Variants in HMGB1 observed in about 807,000 individuals in gnomAD.
HMGB1 encodes high mobility group box 1.
For missense variants in HMGB1, 79 were observed against 253.5 expected (o/e 0.31, Z 4.67); for synonymous variants, 81 against 84.0 (o/e 0.96, Z 0.19).
rs1002472355 is a variant in HMGB1, at chr13:30,460,483, G to A, written c.*874C>T. On this transcript the variant is annotated 3_prime_UTR_variant, in exon 5 of 5. Coordinates refer to ENST00000341423, the MANE Select transcript of HMGB1 (RefSeq NM_002128.7). ...TCAGGTCTTCTTTAATGTGGGAACT[G>A]CAAAATATAACTGCCATTACATGGT... is the stretch of plus-strand genomic sequence containing the variant. 2.6e-5 allele frequency: 4 copies of A among 151,704 alleles called. No homozygotes were observed. Among genetic ancestry groups the A allele is most frequent in the African/African-American group, 9.7e-5 (4 of 41,238 alleles). The allele number at this position is 151,704 out of a possible 1,614,324, so 9.4% of individuals were successfully genotyped here. A position where few individuals can be genotyped will look rare whatever the true frequency, so the allele number is the denominator to read the frequency against.
chr13:30,471,174 A>C (rs1047074503), intron 1 of HMGB1, among the ~76,000 whole-genome samples: 3 of 150,524 alleles, frequency 2.0e-5, no homozygotes, highest in Admixed American at 2.0e-4. Context: ...GTTTCATTAT[A>C]TTGGACAGGC....
rs1012118972 is a variant in HMGB1, at chr13:30,554,668, T to C, written c.-15+62003A>G. On this transcript the variant is annotated intron_variant, in intron 1 of 4. Transcript: ENST00000405805. ...TGACAGGTGACCGATGTACAGTAAA[T>C]GCAAGATACAATGGAAGAGAACAGT... 5.2e-6 allele frequency: 4 copies of C among 771,546 alleles called. No individual in the cohort carries two copies. The African/African-American group carries it at 6.8e-5, about 13-fold the overall frequency. 47.8% of individuals were successfully genotyped at this position (771,546 alleles called of 1,614,324 possible).
intron 1 of HMGB1, among the ~76,000 whole-genome samples, chr13:30,578,368 C>CTTTTTTT (rs60947686): frequency 0.013 from 743 of 59,402 alleles, 26 homozygotes; most frequent in East Asian, 0.025. Context: ...AGTTCTTGTT[C>CTTTTTTT]TTTTTTTTTT....
At chr13:30,563,792 C>T (rs943878523) in intron 1 of HMGB1, among the ~76,000 whole-genome samples, 2 of 152,138 alleles carry the variant, frequency 1.3e-5, no homozygotes. Context: ...GTGAGTGAAA[C>T]GTTTAATCAA....
intron 1 of HMGB1, among the ~76,000 whole-genome samples, chr13:30,587,627 A>G (rs187823612): frequency 3.6e-3 from 553 of 152,328 alleles, no homozygotes; most frequent in African/African-American, 0.011. Flanking sequence ...AGGTACAGGT[A>G]TGTCTTTTAT....
At chr13:30,512,937 C>T (rs111754261) in intron 1 of HMGB1, among the ~76,000 whole-genome samples, 4,755 of 152,150 alleles carry the variant, frequency 0.031, 213 homozygotes, top group African/African-American at 0.11. Context: ...CCAAGGTAGG[C>T]GAATCATTTG....
chr13:30,464,528 C>T, intron 1 of HMGB1: 1 of 984,782 alleles, frequency 1.0e-6, no homozygotes, highest in Non-Finnish European at 1.2e-6. Flanking sequence ...GAGGACGCGG[C>T]CCGGCTCCCA....
rs138600662 is a variant in HMGB1, at chr13:30,600,668, G to A, written c.-15+16003C>T. ...GTTGACCAGGCTGGAGTGCAATGGC[G>A]CAATCCTGACTCACTGCAACCTCCG... On this transcript the variant is annotated intron_variant, in intron 1 of 4. Transcript: ENST00000405805. Among the ~76,000 whole-genome samples, 1,145 of 152,058 alleles carry A rather than the reference G, an allele frequency of 7.5e-3. 10 individuals are homozygous for A. The highest frequency in any genetic ancestry group is 0.025 in the African/African-American group (1,053 of 41,462).
At chr13:30,569,579 G>A (rs984980904) in intron 1 of HMGB1, among the ~76,000 whole-genome samples, 1 of 152,118 alleles carries the variant, frequency 6.6e-6, no homozygotes, top group Non-Finnish European at 1.5e-5. Context: ...TGAGAACACT[G>A]AGAAGACAAT....
intron 1 of HMGB1, among the ~76,000 whole-genome samples, chr13:30,505,456 G>A (rs1887839478): frequency 6.6e-6 from 1 of 152,046 alleles, no homozygotes; most frequent in South Asian, 2.1e-4. Flanking sequence ...GGGATTACAG[G>A]TGTAAGCCAC....
exon 1 of HMGB1, chr13:30,616,777 A>G (rs1057238109): frequency 5.3e-5 from 8 of 152,232 alleles, no homozygotes; most frequent in African/African-American, 1.9e-4. Flanking sequence ...AATTTCTTCT[A>G]CACGAGACTT....
At chr13:30,613,810 G>C (rs1950535139) in intron 1 of HMGB1, among the ~76,000 whole-genome samples, 2 of 152,048 alleles carry the variant, frequency 1.3e-5, no homozygotes, top group Admixed American at 1.3e-4. Flanking sequence ...CGTACCATTG[G>C]CTAGGGCACA....
At chr13:30,513,126 GCAC>G (rs1888028978) in intron 1 of HMGB1, among the ~76,000 whole-genome samples, 1 of 152,118 alleles carries the variant, frequency 6.6e-6, no homozygotes, top group South Asian at 2.1e-4. Context: ...TCACACCACT[GCAC>G]TGCACTCCAG....
upstream of HMGB1, among the ~76,000 whole-genome samples, chr13:30,466,568 C>A (rs1886793939): frequency 6.6e-6 from 1 of 152,188 alleles, no homozygotes; most frequent in South Asian, 2.1e-4. Context: ...CTTTTCTGGG[C>A]TCATAAGCCG....
At chr13:30,561,997 A>C (rs554070282) in intron 1 of HMGB1, among the ~76,000 whole-genome samples, 25 of 152,270 alleles carry the variant, frequency 1.6e-4, no homozygotes, top group Non-Finnish European at 2.8e-4. Flanking sequence ...TTAATGATGG[A>C]GTCAGAGAAA....
At chr13:30,567,413 G>A (rs2137530873) in intron 1 of HMGB1, among the ~76,000 whole-genome samples, 1 of 145,492 alleles carries the variant, frequency 6.9e-6, no homozygotes, top group East Asian at 2.0e-4. Flanking sequence ...GCATGATCTT[G>A]GTTCACTGCA....
chr13:30,519,671 G>T (rs1888193757), intron 1 of HMGB1, among the ~76,000 whole-genome samples: 2 of 150,324 alleles, frequency 1.3e-5, no homozygotes, highest in Admixed American at 1.3e-4. Context: ...CTGCACTCCA[G>T]CCTGGGCGAC....
chr13:30,609,617 G>T (rs1950495081), intron 1 of HMGB1, among the ~76,000 whole-genome samples: 1 of 152,090 alleles, frequency 6.6e-6, no homozygotes, highest in African/African-American at 2.4e-5. Flanking sequence ...CAATAGTTTT[G>T]GGGGGTGCAG....
rs1212783483 is a variant in HMGB1 at position 30,479,723 on chromosome 13, T to C, written c.-14-16029A>G. 2.6e-5 allele frequency among the ~76,000 whole-genome samples: 4 copies of C among 152,326 alleles called. No individual in the cohort carries two copies. In the South Asian group the frequency reaches 6.2e-4, roughly 24 times the overall value. ...CAGCTGCTTCCATAAAATGATGATATCACCTTTGCAAGAGTGTTGTGAGTT... is the reference window on the plus strand; with the variant it reads ...CAGCTGCTTCCATAAAATGATGATACCACCTTTGCAAGAGTGTTGTGAGTT... On this transcript the variant is annotated intron_variant, in intron 1 of 4. Transcript: ENST00000405805.
Sources: allele counts gnomAD v4.1 joint callset (sites outside exome capture counted in the v4.1 genomes callset), GRCh38; gene constraint gnomAD v4.1.1; transcripts MANE v1.5; gene names NCBI Gene and HGNC (gene_info 2026-07-23, HGNC 2026-07-21).